The following CACNA1C variants were observed in gnomAD, a reference collection of about 807,000 sequenced individuals.
The protein encoded by CACNA1C is voltage-dependent L-type calcium channel subunit alpha-1C.
A neutral mutation model predicts 229.0 loss-of-function variants in CACNA1C; 30 were observed. That is an observed-to-expected ratio of 0.13 (90% CI 0.10 to 0.18). CACNA1C has a LOEUF of 0.18. Ranked by LOEUF, CACNA1C falls within the 10% of genes least tolerant of loss-of-function variation. CACNA1C has a pLI of 1.00. For synonymous variants in CACNA1C, 1,114 were observed against 1,132.5 expected, an observed-to-expected ratio of 0.98 and a Z score of 0.33; for missense variants, 1,658 against 2,845.0, an observed-to-expected ratio of 0.58 and a Z score of 9.49.
At chr12:2,023,307 T>C (rs1184323791) in intron 1 of CACNA1C, among the ~76,000 whole-genome samples, 5 of 152,034 alleles carry the variant, frequency 3.3e-5, no homozygotes, top group Non-Finnish European at 7.4e-5. Flanking sequence ...GTGTAGGGTG[T>C]GGAGAGTGGC....
At chr12:2,102,289 T>A (rs952820694) in intron 1 of CACNA1C, among the ~76,000 whole-genome samples, 3 of 152,274 alleles carry the variant, frequency 2.0e-5, no homozygotes, top group Non-Finnish European at 4.4e-5. Flanking sequence ...GAGTGCCTCC[T>A]GGCAACACTG....
intron 29 of CACNA1C, among the ~76,000 whole-genome samples, chr12:2,634,077 A>T (rs1054110078): frequency 3.3e-5 from 5 of 152,320 alleles, no homozygotes; most frequent in African/African-American, 1.2e-4. Flanking sequence ...ACCCTGCGAA[A>T]ACCAGGTTAT....
chr12:2,277,185 C>T (rs533472019), intron 3 of CACNA1C, among the ~76,000 whole-genome samples: 1 of 152,164 alleles, frequency 6.6e-6, no homozygotes, highest in South Asian at 2.1e-4. Context: ...TATTATTATC[C>T]TTCTTTTAAA....
At chr12:2,041,822 G>A (rs377033345) in intron 1 of CACNA1C, among the ~76,000 whole-genome samples, 7 of 152,352 alleles carry the variant, frequency 4.6e-5, no homozygotes, top group Admixed American at 6.5e-5. Flanking sequence ...CTGAACCAAC[G>A]TTCAGTGGCC....
At chr12:2,550,667 C>T (rs1370665598) in intron 10 of CACNA1C, 24 of 1,345,958 alleles carry the variant, frequency 1.8e-5, no homozygotes, top group Non-Finnish European at 2.4e-5. Context: ...GTCCCAGGTA[C>T]AATGCATTTC....
Position 2,665,563 on chromosome 12 carries a change from T to C in CACNA1C, c.4399-18T>C. 6.2e-7 allele frequency: 1 copy of C among 1,612,344 alleles called. No individual in the cohort carries two copies. Among genetic ancestry groups the C allele is most frequent in the Non-Finnish European group, 8.5e-7 (1 of 1,178,862 alleles). ...AGGAAGGTCTTCTCACAGCACCTCATTGTACTGTTCCCCACAGATCATCAA... is the reference window on the plus strand; with the variant it reads ...AGGAAGGTCTTCTCACAGCACCTCACTGTACTGTTCCCCACAGATCATCAA... On this transcript the variant is annotated intron_variant, in intron 35 of 46. Transcript: ENST00000399655. The surrounding 1 kb of genome is among the most constrained non-coding windows in gnomAD (Gnocchi z 5.9).
chr12:2,691,107 G>A lies in CACNA1C; in HGVS notation c.6325G>A (p.Gly2109Arg), dbSNP rs1455199573. 7 of 1,611,968 alleles carry A rather than the reference G, an allele frequency of 4.3e-6. No homozygotes were observed. The highest frequency in any genetic ancestry group is 5.9e-6 in the Non-Finnish European group (7 of 1,178,944). ...NCRDAGQDRA[G>R]GEEDAGCVRA... ...CAGGGACGCGGGGCAGGACCGAGCC[G>A]GGGGCGAAGAGGACGCGGGCTGTGT... is the stretch of plus-strand genomic sequence containing the variant. Residue 2109 changes from glycine to arginine, a missense_variant, in exon 47 of 47, where the codon GGG becomes AGG. Physicochemically the swap from Gly to Arg is moderately radical, Grantham distance 125. Around this residue, in one of 20 missense-constraint regions of CACNA1C, gnomAD observed 590 missense variants for 700.8 expected, o/e 0.84. Transcript: ENST00000399655.
chr12:2,581,569 C>A, intron 13 of CACNA1C, 21 bp from the exon 14 acceptor site: 1 of 1,541,352 alleles, frequency 6.5e-7, no homozygotes. Flanking sequence ...GAGTGCTGAC[C>A]TCCCTCCTGT....
rs182463913 is a variant in CACNA1C, at chr12:2,108,562, T to G, written c.50-6662T>G. On this transcript the variant is annotated intron_variant, in intron 1 of 46. Transcript: ENST00000399655. The surrounding 1 kb of genome is among the most constrained non-coding windows in gnomAD (Gnocchi z 5.3). ...CTCCAAGGGAGGTTGGGAGCCATTG[T>G]GTTTAGCCCTCTGGCCCCTGCAGTC... is the stretch of plus-strand genomic sequence containing the variant. 3.9e-5 allele frequency among the ~76,000 whole-genome samples: 6 copies of G among 152,324 alleles called. No individual in the cohort carries two copies. Among genetic ancestry groups the G allele is most frequent in the African/African-American group, 7.2e-5 (3 of 41,584 alleles).
chr12:2,086,641 A>G (rs1479357854), intron 1 of CACNA1C, among the ~76,000 whole-genome samples: 2 of 152,228 alleles, frequency 1.3e-5, no homozygotes, highest in Non-Finnish European at 2.9e-5. Flanking sequence ...GGCCTTCCAC[A>G]TGGTGACTCA....
intron 3 of CACNA1C, among the ~76,000 whole-genome samples, chr12:2,238,944 C>T (rs973286631): frequency 3.3e-5 from 5 of 152,206 alleles, no homozygotes; most frequent in African/African-American, 1.2e-4. Flanking sequence ...GTGGCTAAAC[C>T]ACCCTAAGCC....
At position 2,595,773 on chromosome 12, in the gene CACNA1C, A is replaced by G. The variant is rs578118595; in HGVS notation, c.2664-101A>G. On this transcript the variant is annotated intron_variant, in intron 19 of 46. Coordinates refer to ENST00000399655, the MANE Select transcript of CACNA1C (RefSeq NM_000719.7). The surrounding 1 kb of genome is among the most constrained non-coding windows in gnomAD (Gnocchi z 4.1). ...TTCAGGCCAACAAGCACCTGTTGCC[A>G]GCTGCTGGGGAGAGCTGAGGAGAGG... is the stretch of plus-strand genomic sequence containing the variant. The G allele has an allele frequency of 1.7e-4, 199 of 1,138,688 alleles. No individual in the cohort carries two copies. In the African/African-American group the frequency reaches 2.8e-3, roughly 16 times the overall value. 70.5% of individuals were successfully genotyped at this position (1,138,688 alleles called of 1,614,324 possible). A position where few individuals can be genotyped will look rare whatever the true frequency, so the allele number is the denominator to read the frequency against.
intron 3 of CACNA1C, among the ~76,000 whole-genome samples, chr12:2,175,388 C>G (rs1387869858): frequency 6.6e-6 from 1 of 152,122 alleles, no homozygotes; most frequent in African/African-American, 2.4e-5. Flanking sequence ...CAGAATGTCC[C>G]TCATTTTGAT....
In CACNA1C at chr12:2,140,352, C is replaced by G. The variant is rs61909091; in HGVS notation, c.477+19922C>G. On this transcript the variant is annotated intron_variant, in intron 3 of 46. Coordinates refer to ENST00000399655, the MANE Select transcript of CACNA1C (RefSeq NM_000719.7). The stretch of plus-strand genomic sequence containing the variant: ...CTCCCAGTCACTTTTGGTTTGGTGT[C>G]TGTTCTTAACACAGTTCCTGAAACA... 3.0e-3 allele frequency among the ~76,000 whole-genome samples: 459 copies of G among 151,558 alleles called. 18 individuals carry two copies. The highest frequency in any genetic ancestry group is 0.024 in the Middle Eastern group (7 of 294).
chr12:2,205,998 C>A (rs1380888690), intron 3 of CACNA1C, among the ~76,000 whole-genome samples: 1 of 152,178 alleles, frequency 6.6e-6, no homozygotes, highest in African/African-American at 2.4e-5. Flanking sequence ...TATCATCACA[C>A]TGGGGGCTAG....
intron 11 of CACNA1C, among the ~76,000 whole-genome samples, chr12:2,557,250 C>T (rs1222706211): frequency 2.0e-5 from 3 of 152,200 alleles, no homozygotes; most frequent in Non-Finnish European, 4.4e-5. Context: ...ATGTGTTTTC[C>T]TCCCTTCTAA....
intron 3 of CACNA1C, chr12:2,221,660 A>C (rs913528657): frequency 6.6e-6 from 1 of 152,242 alleles, no homozygotes; most frequent in Non-Finnish European, 1.5e-5. Flanking sequence ...CAAAATGCTC[A>C]TTTCTTTTGG....
chr12:2,519,138 C>T (rs1444703034), intron 9 of CACNA1C, among the ~76,000 whole-genome samples: 1 of 152,214 alleles, frequency 6.6e-6, no homozygotes, highest in Non-Finnish European at 1.5e-5. Flanking sequence ...GGGCACATCC[C>T]CATTTATCTT....
chr12:2,081,994 A>G (rs538441622), intron 1 of CACNA1C, among the ~76,000 whole-genome samples: 29 of 152,164 alleles, frequency 1.9e-4, no homozygotes, highest in Non-Finnish European at 3.8e-4. Flanking sequence ...CAACCGTATG[A>G]AAAAGGTAAC....
Sources: allele counts gnomAD v4.1 joint callset (sites outside exome capture counted in the v4.1 genomes callset), GRCh38; gene constraint gnomAD v4.1.1; regional missense constraint gnomAD v4.1.1; non-coding constraint Gnocchi (gnomAD v3.1); transcripts MANE v1.5; gene names NCBI Gene and HGNC (gene_info 2026-07-23, HGNC 2026-07-21).